Variants in LRRN2 observed in about 807,000 individuals in gnomAD.
LRRN2 encodes leucine rich repeat neuronal 2.
Under a neutral mutation model 35.7 loss-of-function variants are expected in LRRN2, and 10 were observed. The ratio of observed to expected loss-of-function variants is 0.28; its 90% CI spans 0.17 to 0.47. The LOEUF (loss-of-function observed/expected upper bound fraction) is 0.47. Among genes scored for constraint, LRRN2 ranks in the 20% least tolerant of loss-of-function variants. The probability of loss-of-function intolerance (pLI) is 0.99; values close to 1 mark genes in which losing one functional copy is unlikely to be tolerated. For missense variants in LRRN2, 731 were observed against 940.3 expected, an observed-to-expected ratio of 0.78 and a Z score of 2.91; for synonymous variants, 391 against 409.6, an observed-to-expected ratio of 0.95 and a Z score of 0.55.
At chr1:204,682,432 T>G (rs925738657) in intron 1 of LRRN2, among the ~76,000 whole-genome samples, 1 of 152,180 alleles carries the variant, frequency 6.6e-6, no homozygotes, top group Admixed American at 6.5e-5. Flanking sequence ...TTAGTATAAG[T>G]GTACAAGTTA....
intron 1 of LRRN2, among the ~76,000 whole-genome samples, chr1:204,658,921 G>T (rs1272925315): frequency 1.3e-5 from 2 of 152,216 alleles, no homozygotes. Flanking sequence ...TGTTTAAACA[G>T]AAGTCCCTCC....
At chr1:204,621,473 C>T (rs999317160) in intron 1 of LRRN2, 2 of 167,226 alleles carry the variant, frequency 1.2e-5, no homozygotes, top group Non-Finnish European at 2.9e-5. Context: ...TCTTGCAGTA[C>T]TCATGCTTCC....
At chr1:204,620,967 A>G (rs1275110892) in intron 1 of LRRN2, 1 of 166,920 alleles carries the variant, frequency 6.0e-6, no homozygotes, top group African/African-American at 2.4e-5. Flanking sequence ...GGAAATAAGT[A>G]CAGCTTCTAA....
chr1:204,661,935 C>T (rs984340959), intron 1 of LRRN2, among the ~76,000 whole-genome samples: 1 of 152,174 alleles, frequency 6.6e-6, no homozygotes, highest in Non-Finnish European at 1.5e-5. Flanking sequence ...ACCCTGGGCA[C>T]CCTGCCCCAG....
rs1423931203 is a variant in LRRN2, at chr1:204,627,915, G to T, written c.-226-7697C>A. ...TTCCAACAGTCTGGACACAGTGGTA[G>T]CTCAGAGAATATCCGGAGAAGGAAA... On this transcript the variant is annotated intron_variant, in intron 1 of 1. Coordinates refer to ENST00000367177, the MANE Select transcript of LRRN2 (RefSeq NM_201630.2). Among the ~76,000 whole-genome samples, 2 of 152,204 alleles carry T rather than the reference G, an allele frequency of 1.3e-5. 1 individual carries two copies. The highest frequency in any genetic ancestry group is 4.1e-4 in the South Asian group (2 of 4,830).
At chr1:204,657,343 C>T (rs567643085) in intron 1 of LRRN2, among the ~76,000 whole-genome samples, 180 of 149,480 alleles carry the variant, frequency 1.2e-3, no homozygotes, top group African/African-American at 4.2e-3. Flanking sequence ...TGTATATATA[C>T]ACACACACAC....
intron 1 of LRRN2, among the ~76,000 whole-genome samples, chr1:204,626,017 A>G (rs1558402773): frequency 6.6e-6 from 1 of 152,124 alleles, no homozygotes; most frequent in Non-Finnish European, 1.5e-5. Flanking sequence ...AGGCCTTCTC[A>G]TCACAGAGTT....
chr1:204,659,502 A>G (rs1160964154), intron 1 of LRRN2, among the ~76,000 whole-genome samples: 2 of 152,126 alleles, frequency 1.3e-5, no homozygotes, highest in African/African-American at 4.8e-5. Context: ...GGAATTATTC[A>G]AGTGCTCCTG....
intron 1 of LRRN2, among the ~76,000 whole-genome samples, chr1:204,654,936 C>T (rs772151992): frequency 1.5e-4 from 23 of 152,228 alleles, no homozygotes; most frequent in Non-Finnish European, 2.9e-4. Flanking sequence ...CTGCCATGAA[C>T]CCAAAATGTT....
chr1:204,681,439 A>C (rs1011850926), intron 1 of LRRN2, among the ~76,000 whole-genome samples: 1 of 152,194 alleles, frequency 6.6e-6, no homozygotes, highest in Non-Finnish European at 1.5e-5. Flanking sequence ...TGACAGCTTT[A>C]TGAAGTAGGT....
chr1:204,674,161 G>A (rs1668771755), intron 1 of LRRN2, among the ~76,000 whole-genome samples: 1 of 152,154 alleles, frequency 6.6e-6, no homozygotes, highest in Non-Finnish European at 1.5e-5. Context: ...AGGGAGGGGA[G>A]GCCCTGGACC....
At chr1:204,650,919 A>C (rs1228101597) in intron 1 of LRRN2, among the ~76,000 whole-genome samples, 1 of 152,078 alleles carries the variant, frequency 6.6e-6, no homozygotes, top group Non-Finnish European at 1.5e-5. Context: ...AGACTCCCAC[A>C]CTCTAATCCC....
intron 1 of LRRN2, among the ~76,000 whole-genome samples, chr1:204,623,339 G>A (rs557818364): frequency 6.6e-6 from 1 of 152,206 alleles, no homozygotes; most frequent in African/African-American, 2.4e-5. Context: ...CCAGGCACTT[G>A]CCTTTCCCCT....
chr1:204,641,749 A>G (rs1667982515), intron 1 of LRRN2, among the ~76,000 whole-genome samples: 2 of 152,202 alleles, frequency 1.3e-5, no homozygotes, highest in South Asian at 4.1e-4. Context: ...CACACCAACT[A>G]CCTGGCTGTG....
At chr1:204,643,450 G>A (rs1242229699) in intron 1 of LRRN2, among the ~76,000 whole-genome samples, 3 of 152,182 alleles carry the variant, frequency 2.0e-5, no homozygotes, top group Admixed American at 2.0e-4. Flanking sequence ...TCCTTGCTTG[G>A]TTCTGAAGAT....
chr1:204,667,042 C>A (rs1287680637), intron 1 of LRRN2, among the ~76,000 whole-genome samples: 2 of 139,122 alleles, frequency 1.4e-5, no homozygotes, highest in East Asian at 4.4e-4. Context: ...AACTGTGAAA[C>A]AACATAATTA....
chr1:204,657,313 T>C (rs1044954601), intron 1 of LRRN2, among the ~76,000 whole-genome samples: 1 of 141,904 alleles, frequency 7.0e-6, no homozygotes, highest in Non-Finnish European at 1.5e-5. Context: ...TCAAAATATA[T>C]ATCTATGTGT....
chr1:204,632,920 C>T (rs1316586990), intron 1 of LRRN2, among the ~76,000 whole-genome samples: 7 of 148,960 alleles, frequency 4.7e-5, no homozygotes, highest in Admixed American at 1.3e-4. Context: ...GGCGACAGAG[C>T]GAGACTCTGT....
intron 1 of LRRN2, among the ~76,000 whole-genome samples, chr1:204,680,958 CTTT>C (rs377718032): frequency 7.0e-6 from 1 of 143,516 alleles, no homozygotes; most frequent in Non-Finnish European, 1.5e-5. Context: ...CAGAGAGTCA[CTTT>C]TTTTTTTTTT....
Sources: allele counts gnomAD v4.1 joint callset (sites outside exome capture counted in the v4.1 genomes callset), GRCh38; gene constraint gnomAD v4.1.1; transcripts MANE v1.5; gene names NCBI Gene and HGNC (gene_info 2026-07-23, HGNC 2026-07-21).